KHDRBS2: variants seen among roughly 807,000 people sequenced by gnomAD.
The protein encoded by KHDRBS2 is KH RNA binding domain containing, signal transduction associated 2.
A neutral mutation model predicts 44.3 loss-of-function variants in KHDRBS2; 26 were observed. The ratio of observed to expected loss-of-function variants is 0.59; its 90% CI spans 0.43 to 0.81. The LOEUF is 0.81. KHDRBS2 is among the 40% of genes least tolerant of loss of function. The pLI, the probability that KHDRBS2 is intolerant of heterozygous loss-of-function variation, is 0.00. For synonymous variants in KHDRBS2, 194 were observed against 151.1 expected, an observed-to-expected ratio of 1.28 and a Z score of -2.08; for missense variants, 476 against 433.1, an observed-to-expected ratio of 1.10 and a Z score of -0.88.
chr6:61,931,905 C>G (rs1810125072), intron 4 of KHDRBS2, among the ~76,000 whole-genome samples: 1 of 152,034 alleles, frequency 6.6e-6, no homozygotes, highest in African/African-American at 2.4e-5. Context: ...ATGAAGACAA[C>G]AAGGATGAAG....
chr6:62,171,977 C>T (rs1293595705), intron 2 of KHDRBS2, among the ~76,000 whole-genome samples: 1 of 152,142 alleles, frequency 6.6e-6, no homozygotes, highest in Admixed American at 6.6e-5. Flanking sequence ...CAAAAACACA[C>T]TTAAGTACAT....
chr6:61,938,513 A>T (rs1811475542), intron 4 of KHDRBS2, among the ~76,000 whole-genome samples: 2 of 152,104 alleles, frequency 1.3e-5, no homozygotes. Flanking sequence ...AACTTTGTTT[A>T]TTGAGAATAT....
intron 6 of KHDRBS2, among the ~76,000 whole-genome samples, chr6:61,777,010 C>T (rs1319550260): frequency 1.3e-5 from 2 of 152,006 alleles, no homozygotes; most frequent in South Asian, 2.1e-4. Flanking sequence ...AAACTGGAAA[C>T]CGTCATTCTC....
chr6:61,906,542 C>G (rs73487384), intron 4 of KHDRBS2, among the ~76,000 whole-genome samples: 11 of 152,108 alleles, frequency 7.2e-5, no homozygotes, highest in Non-Finnish European at 1.3e-4. Flanking sequence ...CAACTTCCCC[C>G]CCTCCTTCCC....
chr6:61,795,864 A>G (rs1324593579), intron 6 of KHDRBS2, among the ~76,000 whole-genome samples: 2 of 152,162 alleles, frequency 1.3e-5, no homozygotes, highest in Admixed American at 1.3e-4. Context: ...TGCTGAAATA[A>G]TAAGAGTTAT....
intron 3 of KHDRBS2, among the ~76,000 whole-genome samples, chr6:61,979,578 A>C (rs376867838): frequency 4.7e-4 from 72 of 152,248 alleles, no homozygotes; most frequent in African/African-American, 1.7e-3. Flanking sequence ...GCGTTCCTGT[A>C]TATATACCCT....
intron 3 of KHDRBS2, among the ~76,000 whole-genome samples, chr6:62,046,018 A>G (rs538031740): frequency 6.2e-4 from 94 of 151,412 alleles, no homozygotes; most frequent in African/African-American, 2.2e-3. Context: ...ATTTTGCAGT[A>G]CAATGTATTA....
intron 4 of KHDRBS2, among the ~76,000 whole-genome samples, chr6:61,967,416 C>T (rs78844516): frequency 7.2e-6 from 1 of 139,248 alleles, no homozygotes; most frequent in Admixed American, 6.9e-5. Context: ...GATAGATAGA[C>T]AGATAGATAG....
Position 62,100,519 on chromosome 6 carries a change from C to T in KHDRBS2, c.220-52525G>A, listed in dbSNP as rs1012729878. Among the ~76,000 whole-genome samples, 5 of 152,086 alleles carry T rather than the reference C, an allele frequency of 3.3e-5. No individual in the cohort carries two copies. In the South Asian group the frequency reaches 6.2e-4, roughly 19 times the overall value. Reference sequence around the variant, plus strand: ...ACATTTCATAAGAGGAAGAGGCAAGCGATGTGGCAAACATTATTGTGTTGT... The same window carrying T: ...ACATTTCATAAGAGGAAGAGGCAAGTGATGTGGCAAACATTATTGTGTTGT... On this transcript the variant is annotated intron_variant, in intron 2 of 8. Transcript: ENST00000281156.
intron 2 of KHDRBS2, among the ~76,000 whole-genome samples, chr6:62,141,487 T>G: frequency 6.6e-6 from 1 of 152,148 alleles, no homozygotes; most frequent in East Asian, 1.9e-4. Flanking sequence ...TTATGACTTT[T>G]CTCCATAAAA....
intron 6 of KHDRBS2, among the ~76,000 whole-genome samples, chr6:61,794,742 G>C (rs1448906324): frequency 6.6e-6 from 1 of 152,038 alleles, no homozygotes; most frequent in Non-Finnish European, 1.5e-5. Flanking sequence ...GAAAGTTATA[G>C]GCACAAATAC....
intron 7 of KHDRBS2, among the ~76,000 whole-genome samples, chr6:61,714,092 A>G (rs1398137914): frequency 2.0e-5 from 3 of 151,792 alleles, no homozygotes; most frequent in African/African-American, 7.2e-5. Context: ...TAAATAATTA[A>G]TAGAGTGAGC....
At chr6:62,215,374 G>T (rs143555435) in intron 1 of KHDRBS2, among the ~76,000 whole-genome samples, 1 of 151,610 alleles carries the variant, frequency 6.6e-6, no homozygotes, top group African/African-American at 2.4e-5. Flanking sequence ...TACTGTAGAC[G>T]GAAGGAGATA....
At chr6:62,256,622 T>A (rs1277515068) in intron 1 of KHDRBS2, among the ~76,000 whole-genome samples, 2 of 152,044 alleles carry the variant, frequency 1.3e-5, no homozygotes, top group African/African-American at 4.8e-5. Flanking sequence ...CAGTCTTGGG[T>A]ATGCCTTTAT....
chr6:61,958,733 C>G lies in KHDRBS2; in HGVS notation c.483+19333G>C, dbSNP rs148354002. Among the ~76,000 whole-genome samples, 3 of 152,216 alleles carry G rather than the reference C, an allele frequency of 2.0e-5. No individual in the cohort carries two copies. In the East Asian group the frequency reaches 5.8e-4, roughly 29 times the overall value. On this transcript the variant is annotated intron_variant, in intron 4 of 8. Transcript: ENST00000281156. ...TCTTACATAAAATACTCTATTTCAC[C>G]TAATGTCTTATTTTTTGCTGTAGCC...
chr6:62,041,745 G>A (rs745737073), intron 3 of KHDRBS2, among the ~76,000 whole-genome samples: 6 of 152,020 alleles, frequency 3.9e-5, no homozygotes, highest in Non-Finnish European at 7.4e-5. Context: ...AATTTGTCTA[G>A]ATGCGAATAA....
At chr6:61,882,224 C>T (rs1424472738) in intron 6 of KHDRBS2, among the ~76,000 whole-genome samples, 2 of 151,932 alleles carry the variant, frequency 1.3e-5, no homozygotes, top group African/African-American at 2.4e-5. Flanking sequence ...CTTGAAATAA[C>T]AAATTACTCA....
the KHDRBS2 span, among the ~76,000 whole-genome samples, chr6:61,654,401 A>G: frequency 1.3e-5 from 2 of 151,896 alleles, no homozygotes; most frequent in African/African-American, 4.8e-5. Context: ...AAAGGGAACA[A>G]TGATTGCTAG....
intron 2 of KHDRBS2, among the ~76,000 whole-genome samples, chr6:62,084,391 CAG>C (rs1285695688): frequency 6.6e-6 from 1 of 152,080 alleles, no homozygotes; most frequent in Non-Finnish European, 1.5e-5. Context: ...AAGTTGATAA[CAG>C]ATATTTTCCC....
Sources: allele counts gnomAD v4.1 joint callset (sites outside exome capture counted in the v4.1 genomes callset), GRCh38; gene constraint gnomAD v4.1.1; transcripts MANE v1.5; gene names NCBI Gene and HGNC (gene_info 2026-07-23, HGNC 2026-07-21).